The following ZFR variants were observed in gnomAD, a reference collection of about 807,000 sequenced individuals.
The protein encoded by ZFR is zinc finger RNA-binding protein.
A neutral mutation model predicts 130.7 loss-of-function variants in ZFR; 19 were observed. The observed-to-expected ratio is 0.15, with a 90% confidence interval of 0.10 to 0.21. The LOEUF is 0.21. Among genes scored for constraint, ZFR ranks in the 10% least tolerant of loss-of-function variants. The pLI, the probability that ZFR is intolerant of heterozygous loss-of-function variation, is 1.00. For missense variants in ZFR, 872 were observed against 1,321.5 expected, an observed-to-expected ratio of 0.66 and a Z score of 5.27; for synonymous variants, 466 against 456.9, an observed-to-expected ratio of 1.02 and a Z score of -0.25.
In ZFR at chr5:32,388,651, A is replaced by G. The variant is rs1753092715; in HGVS notation, c.2166T>C (p.Ser722=). Residue 722 remains serine (S), a synonymous_variant, in exon 13 of 20, where the codon TCT becomes TCC. Coordinates refer to ENST00000265069, the MANE Select transcript of ZFR (RefSeq NM_016107.5). ...GPAPLRRPDS[S]DDRYVMTKHA... is the part of the protein sequence containing the mutation. ...GTTTTGTCATTACATAACGGTCATCAGATGAGTCAGGACGACGTAAGGGCT... is the reference window on the plus strand; with the variant it reads ...GTTTTGTCATTACATAACGGTCATCGGATGAGTCAGGACGACGTAAGGGCT... 1 of 1,613,978 alleles carries G rather than the reference A, an allele frequency of 6.2e-7. No homozygotes were observed. The highest frequency in any genetic ancestry group is 8.5e-7 in the Non-Finnish European group (1 of 1,179,868).
intron 17 of ZFR, among the ~76,000 whole-genome samples, chr5:32,374,352 A>C (rs1752747880): frequency 1.3e-5 from 2 of 152,082 alleles, no homozygotes; most frequent in Admixed American, 1.3e-4. Context: ...CTAAAAATAC[A>C]ATCAGCCAGG....
In ZFR at chr5:32,400,176, T is replaced by C. The variant is rs1468901489; in HGVS notation, c.1544A>G (p.Asn515Ser). 5.0e-6 allele frequency: 8 copies of C among 1,609,150 alleles called. No individual in the cohort carries two copies. Among genetic ancestry groups the C allele is most frequent in the African/African-American group, 1.3e-5 (1 of 74,838 alleles). ...VGGNKLQSTG[N>S]KAEDIKGTEC... ...GGTTCCTTTTATGTCTTCTGCTTTA[T>C]TTCCTGTTGACTGCAGCTTATTACC... Residue 515 changes from asparagine to serine, a missense_variant, in exon 9 of 20, where the codon AAT (asparagine) becomes AGT (serine). Around this residue, in one of 7 missense-constraint regions of ZFR, gnomAD observed 143 missense variants for 137.9 expected, o/e 1.04. Coordinates refer to ENST00000265069, the MANE Select transcript of ZFR (RefSeq NM_016107.5).
At chr5:32,412,139 T>C (rs556534627) in intron 5 of ZFR, among the ~76,000 whole-genome samples, 2 of 152,144 alleles carry the variant, frequency 1.3e-5, no homozygotes, top group East Asian at 3.9e-4. Context: ...GCCCACAGAG[T>C]ACTTGTTCAT....
At position 32,438,252 on chromosome 5, in the gene ZFR, A is replaced by ATTTTTTTTTTTTTTT. The variant is rs1561930577; in HGVS notation, c.137+5976_137+5977insAAAAAAAAAAAAAAA. On this transcript the variant is annotated intron_variant, in intron 2 of 19. Transcript: ENST00000265069. ...AAGAATGCTACTGATTTTATCTGAA[A>ATTTTTTTTTTTTTTT]ATTTTTTTTTTTTTTTTTTTTTTTT... Among the ~76,000 whole-genome samples, 8 of 83,476 alleles carry ATTTTTTTTTTTTTTT rather than the reference A, an allele frequency of 9.6e-5. 3 individuals are homozygous for ATTTTTTTTTTTTTTT. Among genetic ancestry groups the ATTTTTTTTTTTTTTT allele is most frequent in the Non-Finnish European group, 2.4e-5 (1 of 41,796 alleles). 54.8% of individuals were successfully genotyped at this position (83,476 alleles called of 152,430 possible).
At position 32,414,606 on chromosome 5, in the gene ZFR, TG is replaced by T. The variant is rs545182664; in HGVS notation, c.784+362del. On this transcript the variant is annotated intron_variant, in intron 5 of 19. Coordinates refer to ENST00000265069, the MANE Select transcript of ZFR (RefSeq NM_016107.5). ...AGAGCCAAAATAAACAGAAATAATT[TG>T]TCTGTGGTATTCCCTGAGTATTAAC... Among the ~76,000 whole-genome samples the T allele has an allele frequency of 2.2e-3, 336 of 152,350 alleles. 1 individual carries two copies. The highest frequency in any genetic ancestry group is 7.6e-3 in the African/African-American group (318 of 41,574).
chr5:32,414,116 T>C (rs1053406406), intron 5 of ZFR, among the ~76,000 whole-genome samples: 1 of 152,200 alleles, frequency 6.6e-6, no homozygotes, highest in Non-Finnish European at 1.5e-5. Context: ...TGGCTTTACA[T>C]ACTCTGGCAC....
At chr5:32,370,225 C>A (rs556036275) in intron 17 of ZFR, among the ~76,000 whole-genome samples, 2 of 151,256 alleles carry the variant, frequency 1.3e-5, no homozygotes, top group Non-Finnish European at 2.9e-5. Flanking sequence ...CTGTGCCCAG[C>A]ACAATAACAG....
chr5:32,435,421 A>AATGTT (rs1480404993), intron 2 of ZFR, among the ~76,000 whole-genome samples: 3 of 152,236 alleles, frequency 2.0e-5, no homozygotes, highest in African/African-American at 7.2e-5. Flanking sequence ...GTGAAACATT[A>AATGTT]CAGACTTCTA....
chr5:32,362,906 A>T (rs532732093), intron 19 of ZFR, among the ~76,000 whole-genome samples: 2 of 152,290 alleles, frequency 1.3e-5, no homozygotes, highest in Admixed American at 1.3e-4. Flanking sequence ...TTTTCCCTTA[A>T]ATTTATAACT....
Position 32,417,699 on chromosome 5 carries a change from C to T in ZFR, c.514G>A (p.Ala172Thr). The T allele has an allele frequency of 6.2e-7, 1 of 1,613,882 alleles. No homozygotes were observed. Among genetic ancestry groups the T allele is most frequent in the African/African-American group, 1.3e-5 (1 of 75,056 alleles). ...GAAGGCTGAGGTTGGGCAGCGGCAG[C>T]TACAGCAGCAGCAGTTGCTGTTGGT... ...QQPTATAAAV[A>T]AAAQPQPSVA... The change falls in exon 4 of 20, where the codon GCT (alanine) becomes ACT (threonine). Residue 172 changes from alanine to threonine, a missense_variant. Ala to Thr is a moderately conservative substitution (Grantham distance 58). Transcript: ENST00000265069.
intron 2 of ZFR, among the ~76,000 whole-genome samples, chr5:32,426,974 A>G (rs1241126023): frequency 6.6e-6 from 1 of 152,032 alleles, no homozygotes; most frequent in African/African-American, 2.4e-5. Flanking sequence ...CATTTTATAC[A>G]TGGAAAACAC....
At chr5:32,375,431 T>G (rs1752781403) in intron 17 of ZFR, among the ~76,000 whole-genome samples, 1 of 152,218 alleles carries the variant, frequency 6.6e-6, no homozygotes. Context: ...TTATTCCGTA[T>G]TTGTTACTCT....
At chr5:32,438,973 T>C (rs993701847) in intron 2 of ZFR, among the ~76,000 whole-genome samples, 1 of 152,196 alleles carries the variant, frequency 6.6e-6, no homozygotes, top group African/African-American at 2.4e-5. Context: ...TCAAACTCTA[T>C]ATAGTTCCAA....
rs191591555 is a variant in ZFR at position 32,433,654 on chromosome 5, G to C, written c.137+10575C>G. Among the ~76,000 whole-genome samples the C allele has an allele frequency of 6.5e-3, 982 of 152,216 alleles. 7 individuals carry two copies. The highest frequency in any genetic ancestry group is 1.0e-2 in the Non-Finnish European group (680 of 68,020). On this transcript the variant is annotated intron_variant, in intron 2 of 19. Coordinates refer to ENST00000265069, the MANE Select transcript of ZFR (RefSeq NM_016107.5). ...CAAAACATTTTCAATTTTAGATTTG[G>C]AATGTTTAATCTAATAACTCATTTC... is the stretch of plus-strand genomic sequence containing the variant.
rs1393699912 is a variant in ZFR at position 32,420,089 on chromosome 5, G to A, written c.152C>T (p.Ser51Leu). Residue 51 changes from serine (S) to leucine (L), a missense_variant, in exon 3 of 20, where the codon TCG (serine) becomes TTG (leucine). Around this residue, in one of 7 missense-constraint regions of ZFR, gnomAD observed 240 missense variants for 441.2 expected, o/e 0.54. Transcript: ENST00000265069. ...AGTTGGATGAGAATAGGCTACACCC[G>A]AAGCTGGCTGCTGGCTACATTGTGG... ...AAAQYSQQPA[S>L]GVAYSHPTTV... 2 of 1,576,214 alleles carry A rather than the reference G, an allele frequency of 1.3e-6. No individual in the cohort carries two copies. The highest frequency in any genetic ancestry group is 1.7e-6 in the Non-Finnish European group (2 of 1,155,572).
intron 2 of ZFR, among the ~76,000 whole-genome samples, chr5:32,436,209 C>A (rs548208414): frequency 2.6e-4 from 33 of 125,596 alleles, no homozygotes; most frequent in Non-Finnish European, 4.7e-4. Context: ...AGTGCAGTGG[C>A]GCGATCTCGG....
rs577091269 is a variant in ZFR, at chr5:32,376,866, C to T, written c.2835+2249G>A. 1.1e-4 allele frequency among the ~76,000 whole-genome samples: 17 copies of T among 151,752 alleles called. No homozygotes were observed. In the South Asian group the frequency reaches 3.1e-3, roughly 28 times the overall value. On this transcript the variant is annotated intron_variant, in intron 17 of 19. Coordinates refer to ENST00000265069, the MANE Select transcript of ZFR (RefSeq NM_016107.5). ...TGGTGGCCCCTGCCTGTAATCCCAG[C>T]TACTTGGAAAACGGAGGCAGGAGAA...
intron 6 of ZFR, among the ~76,000 whole-genome samples, chr5:32,406,233 T>C (rs900642678): frequency 6.6e-6 from 1 of 152,202 alleles, no homozygotes; most frequent in African/African-American, 2.4e-5. Context: ...CACTAATTGG[T>C]ATTTTTGAAA....
chr5:32,377,098 G>C (rs1309737214), intron 17 of ZFR, among the ~76,000 whole-genome samples: 2 of 149,270 alleles, frequency 1.3e-5, no homozygotes, highest in Non-Finnish European at 3.0e-5. Context: ...GGAGCTTGCA[G>C]TGAGCCAAGA....
Sources: gnomAD v4.1 joint callset for allele counts (sites outside exome capture counted in the v4.1 genomes callset) on GRCh38, gnomAD v4.1.1 for gene constraint, gnomAD v4.1.1 regional missense constraint, MANE v1.5 for transcripts, NCBI Gene and HGNC (gene_info 2026-07-23, HGNC 2026-07-21) for gene names.